AXIN1: variants seen among roughly 807,000 people sequenced by gnomAD.
AXIN1 encodes the protein axin 1.
AXIN1 carries 30 observed loss-of-function variants against 76.4 expected under a neutral mutation model. The ratio of observed to expected loss-of-function variants is 0.39; its 90% CI spans 0.29 to 0.53. The LOEUF (loss-of-function observed/expected upper bound fraction) is 0.53. Among genes scored for constraint, AXIN1 ranks in the 20% least tolerant of loss-of-function variants. The pLI is 0.66. For synonymous variants in AXIN1, 545 were observed against 501.4 expected (o/e 1.09, Z -1.16); for missense variants, 1,140 against 1,198.8 (o/e 0.95, Z 0.72).
At position 300,133 on chromosome 16, in the gene AXIN1, G is replaced by A. The variant is rs1597004900; in HGVS notation, c.1255-1882C>T. Reference sequence around the variant, plus strand: ...TTTTTTGTATTTTTAGTAGAGACTGGGTTTCACCCTGTTTGCCAGGCTGGT... The same window carrying A: ...TTTTTTGTATTTTTAGTAGAGACTGAGTTTCACCCTGTTTGCCAGGCTGGT... On this transcript the variant is annotated intron_variant, in intron 5 of 10. Coordinates refer to ENST00000262320, the MANE Select transcript of AXIN1 (RefSeq NM_003502.4). 2.6e-5 allele frequency among the ~76,000 whole-genome samples: 4 copies of A among 151,800 alleles called. No individual in the cohort carries two copies. The Middle Eastern group carries it at 0.014, about 516-fold the overall frequency.
At chr16:323,802 A>ACC (rs34443901) in intron 2 of AXIN1, among the ~76,000 whole-genome samples, 9 of 151,586 alleles carry the variant, frequency 5.9e-5, no homozygotes, top group African/African-American at 1.2e-4. Context: ...ACACACACAC[A>ACC]CCAACAAAAC....
intron 1 of AXIN1, 145 bp from the exon 2 acceptor site, chr16:347,251 T>C (rs1290455777): frequency 3.8e-6 from 3 of 793,738 alleles, no homozygotes; most frequent in Non-Finnish European, 5.8e-6. Context: ...AATCAAGATA[T>C]ATTTTGGCCA....
At chr16:310,532 G>A (rs1325111294) in intron 3 of AXIN1, among the ~76,000 whole-genome samples, 4 of 152,158 alleles carry the variant, frequency 2.6e-5, no homozygotes, top group Non-Finnish European at 4.4e-5. Context: ...GAGTAGCTGG[G>A]ACTACAGGTG....
chr16:304,274 C>G (rs771255563), intron 5 of AXIN1, 30 bp downstream of exon 5: 2 of 1,603,434 alleles, frequency 1.2e-6, no homozygotes, highest in African/African-American at 2.8e-5. Flanking sequence ...GACACCGACG[C>G]GGAGCGCGAC....
rs2141702176 is a variant in AXIN1, at chr16:346,350, A to G, written c.676T>C (p.Ser226Pro). The G allele has an allele frequency of 4.3e-6, 7 of 1,614,096 alleles. No individual in the cohort carries two copies. The East Asian group carries it at 1.3e-4, about 31-fold the overall frequency. The change falls in exon 2 of 11, where the codon TCT becomes CCT. Residue 226 changes from serine to proline, a missense_variant. By Grantham distance (74) the Ser-to-Pro change is moderately conservative (BLOSUM62 -1). Transcript: ENST00000262320. ...ESPKVCSDQS[S>P]GSGTGKGISG... ...ATGCCCTTCCCTGTCCCTGACCCAG[A>G]GCTCTGGTCACTACAGACTTTGGGG...
intron 5 of AXIN1, among the ~76,000 whole-genome samples, chr16:298,640 G>A (rs143363731): frequency 1.6e-4 from 25 of 152,108 alleles, no homozygotes; most frequent in East Asian, 3.9e-4. Context: ...CCAGAATAGC[G>A]GAGACCACAG....
chr16:321,535 C>T (rs1237641083), intron 2 of AXIN1, among the ~76,000 whole-genome samples: 1 of 152,238 alleles, frequency 6.6e-6, no homozygotes, highest in African/African-American at 2.4e-5. Context: ...CCTCAACTCA[C>T]GACAAGGCTG....
intron 5 of AXIN1, 86 bp downstream of exon 5, chr16:304,208 GCCCCGGGCAT>G (rs1214499898): frequency 6.3e-7 from 1 of 1,589,126 alleles, no homozygotes; most frequent in Non-Finnish European, 8.5e-7. Context: ...GCCTCGGCCA[GCCCCGGGCAT>G]CCCCATGAAG....
In AXIN1 at chr16:352,272, C is replaced by G. The variant is rs1006872580; in HGVS notation, c.-82+97G>C. 4 of 768,242 alleles carry G rather than the reference C, an allele frequency of 5.2e-6. No individual in the cohort carries two copies. In the African/African-American group the frequency reaches 5.7e-5, roughly 11 times the overall value. The allele number at this position is 768,242 out of a possible 1,614,324, so 47.6% of individuals were successfully genotyped here. On this transcript the variant is annotated intron_variant, in intron 1 of 10. Transcript: ENST00000262320. ...CTCCCCGCGCGCCCACCCCCTCGGTCCCACGCGCGTCAGCCACCCGCGCCC... is the reference window on the plus strand; with the variant it reads ...CTCCCCGCGCGCCCACCCCCTCGGTGCCACGCGCGTCAGCCACCCGCGCCC...
chr16:319,157 G>C lies in AXIN1; in HGVS notation c.879-4474C>G, dbSNP rs999786578. 2.0e-5 allele frequency among the ~76,000 whole-genome samples: 3 copies of C among 152,246 alleles called. No homozygotes were observed. In the East Asian group the frequency reaches 5.8e-4, roughly 29 times the overall value. On this transcript the variant is annotated intron_variant, in intron 2 of 10. Coordinates refer to ENST00000262320, the MANE Select transcript of AXIN1 (RefSeq NM_003502.4). ...AGAGCCAGGTAGTGACAGACTCCTCGCAACTCTTCTGTGTGTTCAAAGGCT... is the reference window on the plus strand; with the variant it reads ...AGAGCCAGGTAGTGACAGACTCCTCCCAACTCTTCTGTGTGTTCAAAGGCT...
chr16:305,846 C>T (rs1228130157), intron 4 of AXIN1, among the ~76,000 whole-genome samples: 1 of 152,212 alleles, frequency 6.6e-6, no homozygotes, highest in Non-Finnish European at 1.5e-5. Flanking sequence ...ACCCGGCCCC[C>T]CTATAGCTTT....
At chr16:295,027 G>A (rs1319650526) in intron 7 of AXIN1, among the ~76,000 whole-genome samples, 1 of 143,214 alleles carries the variant, frequency 7.0e-6, no homozygotes, top group East Asian at 2.1e-4. Context: ...TCAGGCCACT[G>A]CACTCCAGCC....
chr16:342,937 C>G (rs1426072747), intron 2 of AXIN1, among the ~76,000 whole-genome samples: 1 of 152,246 alleles, frequency 6.6e-6, no homozygotes, highest in Non-Finnish European at 1.5e-5. Context: ...CAACCTAGTG[C>G]ACCCTCACCT....
chr16:316,868 T>C (rs1287439206), intron 2 of AXIN1, among the ~76,000 whole-genome samples: 1 of 152,198 alleles, frequency 6.6e-6, no homozygotes, highest in Non-Finnish European at 1.5e-5. Context: ...ACTATCGCAT[T>C]TCAGGCCTCC....
At chr16:288,276 G>A (rs374115555) in intron 10 of AXIN1, 28 bp from the exon 11 acceptor site, 22 of 1,613,136 alleles carry the variant, frequency 1.4e-5, no homozygotes, top group Non-Finnish European at 1.5e-5. Flanking sequence ...GGAGGGCAGT[G>A]AGCAGGCAGC....
At chr16:337,805 G>A (rs968766941) in intron 2 of AXIN1, among the ~76,000 whole-genome samples, 37 of 152,366 alleles carry the variant, frequency 2.4e-4, no homozygotes, top group African/African-American at 8.9e-4. Flanking sequence ...GAAGGGGCAT[G>A]GAATCTGGGC....
intron 2 of AXIN1, among the ~76,000 whole-genome samples, chr16:314,927 G>C (rs1045323452): frequency 6.6e-6 from 1 of 152,192 alleles, no homozygotes; most frequent in African/African-American, 2.4e-5. Context: ...TTTAGGCGGG[G>C]GCTTTGGTGC....
chr16:293,668 G>A lies in AXIN1; in HGVS notation c.2006C>T (p.Ser669Phe), dbSNP rs774921991. 11 of 1,613,636 alleles carry A rather than the reference G, an allele frequency of 6.8e-6. No homozygotes were observed. In the African/African-American group the frequency reaches 9.3e-5, roughly 14 times the overall value. The change falls in exon 8 of 11, where the codon TCC (serine) becomes TTC (phenylalanine). Residue 669 changes from serine to phenylalanine, a missense_variant. Ser to Phe is a radical substitution (Grantham distance 155). Around this residue, in one of 3 missense-constraint regions of AXIN1, gnomAD observed 429 missense variants for 405.8 expected, o/e 1.06. Coordinates refer to ENST00000262320, the MANE Select transcript of AXIN1 (RefSeq NM_003502.4). The surrounding 1 kb of genome is among the most constrained non-coding windows in gnomAD (Gnocchi z 4.6). Reference sequence around the variant, plus strand: ...AGGGCCGGCCCAGGGGTGCTCAAGGGACAAGGGTCTGGAGTTCTCATGGGG... The same window carrying A: ...AGGGCCGGCCCAGGGGTGCTCAAGGAACAAGGGTCTGGAGTTCTCATGGGG... ...PQPHENSRPL[S>F]LEHPWAGPQL...
At chr16:317,155 C>G (rs1014513512) in intron 2 of AXIN1, among the ~76,000 whole-genome samples, 1 of 152,166 alleles carries the variant, frequency 6.6e-6, no homozygotes, top group African/African-American at 2.4e-5. Context: ...CCAGGAAAGG[C>G]CCTTTGACAA....
Sources: gnomAD v4.1 joint callset for allele counts (sites outside exome capture counted in the v4.1 genomes callset) on GRCh38, gnomAD v4.1.1 for gene constraint, gnomAD v4.1.1 regional missense constraint, Gnocchi (gnomAD v3.1) non-coding constraint, MANE v1.5 for transcripts, NCBI Gene and HGNC (gene_info 2026-07-23, HGNC 2026-07-21) for gene names.